Variants in KCNQ5 observed in about 807,000 individuals in gnomAD.
KCNQ5 encodes the protein potassium voltage-gated channel subfamily Q member 5, also known as potassium voltage-gated channel subfamily KQT member 5.
Under a neutral mutation model 98.2 loss-of-function variants are expected in KCNQ5, and 30 were observed. The observed-to-expected ratio is 0.31, with a 90% CI of 0.23 to 0.41. The LOEUF (loss-of-function observed/expected upper bound fraction) is 0.41. Among genes scored for constraint, KCNQ5 ranks in the 10% least tolerant of loss-of-function variants. The probability of loss-of-function intolerance (pLI) is 1.00; values close to 1 mark genes in which losing one functional copy is unlikely to be tolerated. For synonymous variants in KCNQ5, 458 were observed against 449.4 expected (o/e 1.02, Z -0.24); for missense variants, 835 against 1,182.5 (o/e 0.71, Z 4.31).
rs188205544 is a variant in KCNQ5 at position 73,151,072 on chromosome 6, A to G, written c.1468+17431A>G. The stretch of plus-strand genomic sequence containing the variant: ...TTGCAAGATGTTACCATTGTAGGAA[A>G]CTGAATAGAGGGTACACAGAATCTC... On this transcript the variant is annotated intron_variant, in intron 10 of 13. Coordinates refer to ENST00000370398, the MANE Select transcript of KCNQ5 (RefSeq NM_019842.4). Among the ~76,000 whole-genome samples the G allele has an allele frequency of 9.2e-5, 14 of 152,296 alleles. No individual in the cohort carries two copies. In the East Asian group the frequency reaches 1.2e-3, roughly 13 times the overall value.
At chr6:73,161,676 A>C (rs887198885) in intron 10 of KCNQ5, among the ~76,000 whole-genome samples, 9 of 152,210 alleles carry the variant, frequency 5.9e-5, no homozygotes, top group African/African-American at 2.2e-4. Context: ...GGTGACTAAG[A>C]AAAAGAACTA....
intron 9 of KCNQ5, among the ~76,000 whole-genome samples, chr6:73,133,018 G>C (rs1776296206): frequency 1.3e-5 from 2 of 152,170 alleles, no homozygotes; most frequent in Non-Finnish European, 2.9e-5. Context: ...GAAATGTCTA[G>C]AAATTACAAA....
chr6:73,152,194 A>G (rs754750832), intron 10 of KCNQ5, among the ~76,000 whole-genome samples: 3 of 152,002 alleles, frequency 2.0e-5, no homozygotes, highest in Non-Finnish European at 4.4e-5. Flanking sequence ...CCATTCTAGA[A>G]TATCTTATTG....
chr6:72,634,715 G>A (rs909859022), intron 1 of KCNQ5, among the ~76,000 whole-genome samples: 1 of 151,818 alleles, frequency 6.6e-6, no homozygotes, highest in African/African-American at 2.4e-5. Context: ...ATAGGCTCCC[G>A]CCACCACGCC....
intron 1 of KCNQ5, among the ~76,000 whole-genome samples, chr6:72,888,856 G>T (rs1231673150): frequency 6.6e-6 from 1 of 152,012 alleles, no homozygotes; most frequent in Admixed American, 6.6e-5. Context: ...CTACTTCCAA[G>T]CATACTTTTA....
At chr6:72,928,509 T>C (rs1391579163) in intron 1 of KCNQ5, among the ~76,000 whole-genome samples, 1 of 152,122 alleles carries the variant, frequency 6.6e-6, no homozygotes, top group African/African-American at 2.4e-5. Flanking sequence ...CTCCTCTCTA[T>C]AAATTTTTAA....
At chr6:72,680,707 A>G (rs1290803940) in intron 1 of KCNQ5, among the ~76,000 whole-genome samples, 2 of 152,184 alleles carry the variant, frequency 1.3e-5, no homozygotes, top group African/African-American at 2.4e-5. Flanking sequence ...GTGTAAATTC[A>G]TTGTCTAGAA....
At chr6:72,972,473 T>G (rs1767949405) in intron 1 of KCNQ5, among the ~76,000 whole-genome samples, 1 of 151,850 alleles carries the variant, frequency 6.6e-6, no homozygotes, top group South Asian at 2.1e-4. Flanking sequence ...TATTGACCCA[T>G]CCCCTAAGTT....
chr6:73,025,538 C>A (rs1217219798), intron 2 of KCNQ5, among the ~76,000 whole-genome samples: 5 of 149,700 alleles, frequency 3.3e-5, no homozygotes, highest in African/African-American at 1.2e-4. Flanking sequence ...GCAGGAGAAT[C>A]ACTTGAGCCG....
intron 1 of KCNQ5, among the ~76,000 whole-genome samples, chr6:72,658,872 G>A (rs1438108747): frequency 7.2e-5 from 11 of 152,072 alleles, no homozygotes; most frequent in East Asian, 3.9e-4. Context: ...GAGCCACCTC[G>A]CCCAGCCTAC....
chr6:73,128,173 T>A (rs1308338813), intron 9 of KCNQ5, among the ~76,000 whole-genome samples: 1 of 152,244 alleles, frequency 6.6e-6, no homozygotes, highest in African/African-American at 2.4e-5. Flanking sequence ...TTCTTTTTGG[T>A]ACATTCAGGT....
chr6:72,739,700 C>G (rs1771031387), intron 1 of KCNQ5, among the ~76,000 whole-genome samples: 2 of 152,234 alleles, frequency 1.3e-5, no homozygotes. Flanking sequence ...TACAGACGGT[C>G]TGTTCAGTCA....
chr6:72,665,661 C>T (rs913614864), intron 1 of KCNQ5, among the ~76,000 whole-genome samples: 1 of 152,178 alleles, frequency 6.6e-6, no homozygotes, highest in Non-Finnish European at 1.5e-5. Context: ...TTCCATATAA[C>T]TATATTTTTC....
At chr6:72,698,457 C>A (rs1395624735) in intron 1 of KCNQ5, among the ~76,000 whole-genome samples, 1 of 152,046 alleles carries the variant, frequency 6.6e-6, no homozygotes, top group Non-Finnish European at 1.5e-5. Context: ...CCTGCTTCGG[C>A]CTCCCAAAAT....
intron 1 of KCNQ5, among the ~76,000 whole-genome samples, chr6:72,970,299 T>G (rs531419065): frequency 6.6e-6 from 1 of 152,062 alleles, no homozygotes; most frequent in African/African-American, 2.4e-5. Context: ...TAGTCCCCCA[T>G]AATTCAAACA....
intron 9 of KCNQ5, 150 bp downstream of exon 9, chr6:73,124,662 T>G: frequency 1.4e-6 from 1 of 738,330 alleles, no homozygotes. Context: ...ATTGCTATTT[T>G]ATTGATATTT....
intron 1 of KCNQ5, among the ~76,000 whole-genome samples, chr6:72,705,956 G>GA (rs1189299926): frequency 6.6e-6 from 1 of 151,846 alleles, no homozygotes; most frequent in Non-Finnish European, 1.5e-5. Context: ...TTAAACGAAA[G>GA]AAAAAATAAC....
intron 1 of KCNQ5, among the ~76,000 whole-genome samples, chr6:72,925,365 T>C (rs1247088360): frequency 6.6e-6 from 1 of 152,242 alleles, no homozygotes; most frequent in Non-Finnish European, 1.5e-5. Context: ...GCCAGGCATC[T>C]GAATCACTTA....
intron 1 of KCNQ5, among the ~76,000 whole-genome samples, chr6:72,764,322 GAAATTGGTGAC>G (rs1390522507): frequency 2.0e-5 from 3 of 152,000 alleles, no homozygotes; most frequent in Non-Finnish European, 4.4e-5. Flanking sequence ...CCACTAGGTA[GAAATTGGTGAC>G]AAAAGAATAT....
Sources: gnomAD v4.1 joint callset for allele counts (sites outside exome capture counted in the v4.1 genomes callset) on GRCh38, gnomAD v4.1.1 for gene constraint, MANE v1.5 for transcripts, NCBI Gene and HGNC (gene_info 2026-07-23, HGNC 2026-07-21) for gene names.